The following PMS1 variants were observed in gnomAD, a reference collection of about 807,000 sequenced individuals.
PMS1 encodes PMS1 homolog 1, mismatch repair system component, also known as PMS1 protein homolog 1.
In PMS1, 79 loss-of-function variants were observed where a neutral mutation model predicts 93.1. The observed-to-expected ratio is 0.85, with a 90% CI of 0.71 to 1.02. The LOEUF (loss-of-function observed/expected upper bound fraction) is 1.02, where lower values mean the gene tolerates loss of function less well. Ranked by LOEUF, PMS1 falls within the 50% of genes least tolerant of loss-of-function variation. The pLI is 0.00. For missense variants in PMS1, 1,064 were observed against 1,085.3 expected (o/e 0.98, Z 0.28); for synonymous variants, 335 against 363.4 (o/e 0.92, Z 0.89).
chr2:189,847,111 C>T (rs113047969), intron 6 of PMS1, among the ~76,000 whole-genome samples: 155 of 152,032 alleles, frequency 1.0e-3, no homozygotes, highest in African/African-American at 3.5e-3. Flanking sequence ...CCACCCGCCT[C>T]GGCCCCCCAA....
intron 9 of PMS1, chr2:189,857,388 A>G: frequency 2.3e-6 from 1 of 440,642 alleles, no homozygotes; most frequent in Non-Finnish European, 4.7e-6. Context: ...GTCTAGTTGC[A>G]TCATGATTAG....
chr2:189,838,591 C>G (rs1363294074), intron 5 of PMS1, among the ~76,000 whole-genome samples: 2 of 152,156 alleles, frequency 1.3e-5, no homozygotes. Flanking sequence ...TTTATTCCCT[C>G]TCCACATGGA....
intron 3 of PMS1, among the ~76,000 whole-genome samples, chr2:189,804,794 A>C (rs2050192093): frequency 6.6e-6 from 1 of 152,190 alleles, no homozygotes; most frequent in Non-Finnish European, 1.5e-5. Flanking sequence ...TGGCCAAGAA[A>C]GATTACTCCC....
At chr2:189,816,893 AT>A (rs5743036) in intron 4 of PMS1, among the ~76,000 whole-genome samples, 2,979 of 152,290 alleles carry the variant, frequency 0.02, 91 homozygotes, top group African/African-American at 0.067. Flanking sequence ...ACAAAATGTC[AT>A]GACATAATAT....
rs1040600809 is a variant in PMS1 at position 189,795,814 on chromosome 2, G to A, written c.178G>A (p.Gly60Ser). ...AATTGAGGTGCGAGATAACGGGGAG[G>A]GTATCAAGGCTGTTGATGCACCTGT... ...DKIEVRDNGEGIKAVDAPVMA... is the reference protein window; with the variant it reads ...DKIEVRDNGESIKAVDAPVMA... Residue 60 changes from glycine to serine, a missense_variant, in exon 3 of 13, where the codon GGT becomes AGT. Coordinates refer to ENST00000441310, the MANE Select transcript of PMS1 (RefSeq NM_000534.5). 2.1e-5 allele frequency: 34 copies of A among 1,613,532 alleles called. No individual in the cohort carries two copies. Among genetic ancestry groups the A allele is most frequent in the Non-Finnish European group, 2.8e-5 (33 of 1,179,626 alleles).
intron 1 of PMS1, among the ~76,000 whole-genome samples, chr2:189,785,077 T>C (rs2048167106): frequency 6.6e-6 from 1 of 152,178 alleles, no homozygotes; most frequent in African/African-American, 2.4e-5. Flanking sequence ...CTGAGGAAAG[T>C]CTTGATTAGG....
At position 189,854,388 on chromosome 2, in the gene PMS1, A is replaced by G; in HGVS notation, c.1116A>G (p.Lys372=). The G allele has an allele frequency of 6.2e-7, 1 of 1,602,012 alleles. No homozygotes were observed. Among genetic ancestry groups the G allele is most frequent in the Non-Finnish European group, 8.5e-7 (1 of 1,172,600 alleles). ...CAGAAACAGATGTGCTTTTTAATAA[A>G]GTGGAATCATCTGGAAAGAATTATT... ...KTAETDVLFN[K]VESSGKNYSN... is the part of the protein sequence containing the mutation. The change falls in exon 9 of 13, where the codon AAA becomes AAG. Residue 372 remains lysine (K), a synonymous_variant. Coordinates refer to ENST00000441310, the MANE Select transcript of PMS1 (RefSeq NM_000534.5).
rs2056331892 is a variant in PMS1, at chr2:189,864,188, C to T, written c.2302C>T (p.Pro768Ser). 1 of 1,609,752 alleles carries T rather than the reference C, an allele frequency of 6.2e-7. No homozygotes were observed. Among genetic ancestry groups the T allele is most frequent in the Non-Finnish European group, 8.5e-7 (1 of 1,176,652 alleles). Residue 768 changes from proline (P) to serine (S), a missense_variant, in exon 10 of 13, where the codon CCT becomes TCT. By Grantham distance (74) the Pro-to-Ser change is moderately conservative. Transcript: ENST00000441310. ...FKRLLENHKL[P>S]AEPLEKPIML... ...AAGACTTCTTGAGAATCATAAACTT[C>T]CTGCAGAGCCACTGGAAAAGCCAAT...
In PMS1 at chr2:189,847,036, A is replaced by G. The variant is rs183718213; in HGVS notation, c.699+2956A>G. 2.3e-3 allele frequency among the ~76,000 whole-genome samples: 348 copies of G among 151,594 alleles called. 2 individuals are homozygous for G. The highest frequency in any genetic ancestry group is 4.0e-4 in the Non-Finnish European group (27 of 67,904). On this transcript the variant is annotated intron_variant, in intron 6 of 12. Coordinates refer to ENST00000441310, the MANE Select transcript of PMS1 (RefSeq NM_000534.5). ...ACCACCACATCCGACTAATTTTTGT[A>G]TTTTTAATAGAGATGGGGTTTCACC...
At chr2:189,828,388 A>G (rs1021223851) in intron 5 of PMS1, among the ~76,000 whole-genome samples, 6 of 152,234 alleles carry the variant, frequency 3.9e-5, no homozygotes, top group African/African-American at 1.4e-4. Flanking sequence ...TGATCATTGT[A>G]TTATGTATAC....
Position 189,854,857 on chromosome 2 carries a change from A to G in PMS1, c.1585A>G (p.Ser529Gly). ...TGAAAAAAGTTTACCATGTAAAGTAAGTAATAATAATTATCCAATCCCTGA... is the reference window on the plus strand; with the variant it reads ...TGAAAAAAGTTTACCATGTAAAGTAGGTAATAATAATTATCCAATCCCTGA... ...VPEKSLPCKV[S>G]NNNYPIPEQM... Residue 529 changes from serine (S) to glycine (G), a missense_variant, in exon 9 of 13, where the codon AGT becomes GGT. Coordinates refer to ENST00000441310, the MANE Select transcript of PMS1 (RefSeq NM_000534.5). 6.2e-7 allele frequency: 1 copy of G among 1,610,224 alleles called. No homozygotes were observed. Among genetic ancestry groups the G allele is most frequent in the Non-Finnish European group, 8.5e-7 (1 of 1,176,714 alleles).
Position 189,864,215 on chromosome 2 carries a change from A to G in PMS1, c.2329A>G (p.Met777Val), listed in dbSNP as rs2056335080. The G allele has an allele frequency of 1.3e-6, 2 of 1,599,364 alleles. No individual in the cohort carries two copies. Among genetic ancestry groups the G allele is most frequent in the South Asian group, 1.1e-5 (1 of 90,722 alleles). The change falls in exon 10 of 13, where the codon ATG becomes GTG. Residue 777 changes from methionine to valine, a missense_variant. Coordinates refer to ENST00000441310, the MANE Select transcript of PMS1 (RefSeq NM_000534.5). ...TGCAGAGCCACTGGAAAAGCCAATT[A>G]TGTTAACAGAGAGGTATGATGATAC... ...LPAEPLEKPI[M>V]LTESLFNGSH...
rs1158514130 is a variant in PMS1 at position 189,860,800 on chromosome 2, A to ATTTTT, written c.1857-2908_1857-2904dup. On this transcript the variant is annotated intron_variant, in intron 9 of 12. Transcript: ENST00000441310. ...CTAAAATCTTCTATATCTTTGAGGA[A>ATTTTT]TTTTTTTTTTTTTTTTTTTTTTTTT... 8.3e-4 allele frequency among the ~76,000 whole-genome samples: 34 copies of ATTTTT among 41,026 alleles called. 3 individuals are homozygous for ATTTTT. The highest frequency in any genetic ancestry group is 1.3e-3 in the Non-Finnish European group (27 of 21,488). 26.9% of individuals were successfully genotyped at this position (41,026 alleles called of 152,430 possible).
intron 3 of PMS1, among the ~76,000 whole-genome samples, chr2:189,805,078 T>G (rs937570373): frequency 1.3e-5 from 2 of 152,156 alleles, no homozygotes; most frequent in Non-Finnish European, 2.9e-5. Context: ...TCTTCTTCAC[T>G]TATGCTTACA....
intron 3 of PMS1, among the ~76,000 whole-genome samples, chr2:189,797,585 T>G (rs2049473962): frequency 6.6e-6 from 1 of 152,120 alleles, no homozygotes; most frequent in Non-Finnish European, 1.5e-5. Flanking sequence ...TTATTGAAAT[T>G]TGCCCAGTAG....
intron 9 of PMS1, chr2:189,857,542 A>G: frequency 2.2e-6 from 1 of 453,062 alleles, no homozygotes; most frequent in South Asian, 1.7e-5. Context: ...CCTCTTCTAT[A>G]GACCTTCAGT....
intron 9 of PMS1, chr2:189,855,817 T>C: frequency 1.3e-6 from 1 of 784,890 alleles, no homozygotes; most frequent in Non-Finnish European, 1.7e-6. Context: ...TGAATGTTTT[T>C]AATTGACTTA....
At chr2:189,805,810 G>A (rs868579482) in intron 4 of PMS1, 56 bp downstream of exon 4, 1 of 1,592,742 alleles carries the variant, frequency 6.3e-7, no homozygotes, top group African/African-American at 1.4e-5. Context: ...TTAATTGTTG[G>A]TTTAAAAAAA....
chr2:189,800,169 C>T (rs2106252926), intron 3 of PMS1, among the ~76,000 whole-genome samples: 1 of 152,272 alleles, frequency 6.6e-6, no homozygotes, highest in South Asian at 2.1e-4. Flanking sequence ...AATTTGTAAC[C>T]TATTCAGGTA....
Sources: allele counts gnomAD v4.1 joint callset (sites outside exome capture counted in the v4.1 genomes callset), GRCh38; gene constraint gnomAD v4.1.1; transcripts MANE v1.5; gene names NCBI Gene and HGNC (gene_info 2026-07-23, HGNC 2026-07-21).